GPHN: variants seen among roughly 807,000 people sequenced by gnomAD.
GPHN encodes gephyrin.
A neutral mutation model predicts 95.5 loss-of-function variants in GPHN; 17 were observed. The ratio of observed to expected loss-of-function variants is 0.18; its 90% CI spans 0.12 to 0.27. GPHN has a LOEUF of 0.27. Among genes scored for constraint, GPHN ranks in the 10% least tolerant of loss-of-function variants. The pLI is 1.00. For missense variants in GPHN, 660 were observed against 978.1 expected (o/e 0.67, Z 4.34); for synonymous variants, 320 against 322.5 (o/e 0.99, Z 0.08).
intron 10 of GPHN, among the ~76,000 whole-genome samples, chr14:67,038,674 C>T (rs954722816): frequency 1.3e-5 from 2 of 152,154 alleles, no homozygotes; most frequent in African/African-American, 2.4e-5. Flanking sequence ...CTCTTCCAAG[C>T]TCCAGATTCT....
chr14:67,692,238 T>C, the GPHN span: 1 of 582,604 alleles, frequency 1.7e-6, no homozygotes, highest in Non-Finnish European at 3.0e-6. Flanking sequence ...TATGACGTTT[T>C]GAATTCATTT....
chr14:67,436,704 C>T, the GPHN span, among the ~76,000 whole-genome samples: 1 of 152,200 alleles, frequency 6.6e-6, no homozygotes, highest in East Asian at 1.9e-4. Flanking sequence ...GGTTCCCAGA[C>T]CTCTGTGCAG....
chr14:66,620,656 A>G lies in GPHN; in HGVS notation c.65-60451A>G, dbSNP rs551883139. Among the ~76,000 whole-genome samples the G allele has an allele frequency of 1.3e-4, 20 of 152,228 alleles. No homozygotes were observed. In the East Asian group the frequency reaches 2.7e-3, roughly 21 times the overall value. On this transcript the variant is annotated intron_variant, in intron 1 of 22. Coordinates refer to ENST00000478722, the MANE Select transcript of GPHN (RefSeq NM_020806.5). ...TTGGCAGAGGGGACACAGCCAAACC[A>G]TATCAGTCTATCTCTGACCGCTCTC...
intron 8 of GPHN, among the ~76,000 whole-genome samples, chr14:66,943,927 T>C (rs2067579021): frequency 6.6e-6 from 1 of 152,218 alleles, no homozygotes; most frequent in Non-Finnish European, 1.5e-5. Flanking sequence ...CAGAGGGATC[T>C]ATCCACTTTT....
intron 3 of GPHN, among the ~76,000 whole-genome samples, chr14:66,797,263 A>G (rs1446121195): frequency 6.6e-6 from 1 of 151,566 alleles, no homozygotes; most frequent in Non-Finnish European, 1.5e-5. Flanking sequence ...GTCAGGTAAT[A>G]TGATTTCTTC....
At chr14:67,725,175 G>T in the GPHN span, 3 of 1,614,058 alleles carry the variant, frequency 1.9e-6, no homozygotes, top group South Asian at 1.1e-5. Context: ...TGGATACAAA[G>T]AACTCCCAGG....
chr14:66,776,572 G>C, intron 3 of GPHN, 51 bp downstream of exon 3: 1 of 1,036,794 alleles, frequency 9.6e-7, no homozygotes, highest in Non-Finnish European at 1.5e-6. Context: ...CTTGGTGAGG[G>C]GTGGGGAAGA....
chr14:66,988,755 C>T (rs755668613), intron 9 of GPHN, among the ~76,000 whole-genome samples: 1 of 151,952 alleles, frequency 6.6e-6, no homozygotes, highest in Non-Finnish European at 1.5e-5. Flanking sequence ...ATAGTTCAGA[C>T]TATCAAGATT....
At chr14:66,968,104 T>C (rs1944909231) in intron 9 of GPHN, among the ~76,000 whole-genome samples, 3 of 151,956 alleles carry the variant, frequency 2.0e-5, no homozygotes, top group Non-Finnish European at 4.4e-5. Flanking sequence ...AGACCATAGA[T>C]TTTAGCACCG....
rs537412422 is a variant in GPHN, at chr14:67,052,350, A to G, written c.1007-6299A>G. ...AACAGACATTAAACCAAAAAAAAAA[A>G]AAGATCAAAAAAGACAAGGGCATTA... On this transcript the variant is annotated intron_variant, in intron 10 of 22. Transcript: ENST00000478722. Among the ~76,000 whole-genome samples the G allele has an allele frequency of 5.3e-5, 8 of 151,876 alleles. No homozygotes were observed. In the East Asian group the frequency reaches 9.7e-4, roughly 18 times the overall value.
At chr14:67,196,451 A>G in the GPHN span, among the ~76,000 whole-genome samples, 1 of 152,032 alleles carries the variant, frequency 6.6e-6, no homozygotes, top group Non-Finnish European at 1.5e-5. Flanking sequence ...TGAACTCCTG[A>G]CCTAAGGTGA....
Position 67,181,611 on chromosome 14 carries a change from A to G in GPHN, c.*674A>G. 1 of 393,792 alleles carries G rather than the reference A, an allele frequency of 2.5e-6. No homozygotes were observed. Among genetic ancestry groups the G allele is most frequent in the Non-Finnish European group, 4.9e-6 (1 of 202,870 alleles). The allele number at this position is 393,792 out of a possible 1,614,324, so 24.4% of individuals were successfully genotyped here. A position where few individuals can be genotyped will look rare whatever the true frequency, so the allele number is the denominator to read the frequency against. On this transcript the variant is annotated 3_prime_UTR_variant, in exon 23 of 23. Transcript: ENST00000478722. ...TTAAGTGCTGACAGCCTTTTTAACC[A>G]ATACATTTAAAATTGTACAGAACAA...
chr14:66,990,753 T>A (rs10140569), intron 9 of GPHN, among the ~76,000 whole-genome samples: 47,581 of 151,864 alleles, frequency 0.31, 10,589 homozygotes, highest in African/African-American at 0.61. Context: ...AATAGTTAAA[T>A]TTTAAAAAAT....
intron 3 of GPHN, among the ~76,000 whole-genome samples, chr14:66,781,939 T>C (rs1437156715): frequency 6.6e-6 from 1 of 152,224 alleles, no homozygotes; most frequent in Non-Finnish European, 1.5e-5. Flanking sequence ...CTTTCCTGAC[T>C]GAAATCTCAC....
intron 3 of GPHN, among the ~76,000 whole-genome samples, chr14:66,785,638 TAAAACAAACC>T (rs2059745565): frequency 7.7e-6 from 1 of 129,746 alleles, no homozygotes; most frequent in Non-Finnish European, 1.6e-5. Context: ...TCCTGAATCA[TAAAACAAACC>T]AAAACAGTAC....
the GPHN span, among the ~76,000 whole-genome samples, chr14:67,658,320 C>T: frequency 1.3e-5 from 2 of 152,136 alleles, no homozygotes; most frequent in South Asian, 2.1e-4. Flanking sequence ...ACTCGCCAGG[C>T]GTGGTGGGTC....
chr14:66,794,582 G>T (rs2060092611), intron 3 of GPHN, among the ~76,000 whole-genome samples: 1 of 152,076 alleles, frequency 6.6e-6, no homozygotes, highest in African/African-American at 2.4e-5. Flanking sequence ...TCTATAAAAA[G>T]GTGCTTCCCT....
chr14:67,360,064 CTTTCGTCTTTG>C, the GPHN span: 3 of 430,142 alleles, frequency 7.0e-6, no homozygotes, highest in Non-Finnish European at 1.2e-5. Flanking sequence ...CTTTCTCCAC[CTTTCGTCTTTG>C]GTCACAGCGC....
chr14:66,694,148 G>A (rs961183083), intron 2 of GPHN, among the ~76,000 whole-genome samples: 1 of 152,134 alleles, frequency 6.6e-6, no homozygotes, highest in Non-Finnish European at 1.5e-5. Context: ...GCCTTTGGGA[G>A]GTGATTTAGT....
Sources: allele counts gnomAD v4.1 joint callset (sites outside exome capture counted in the v4.1 genomes callset), GRCh38; gene constraint gnomAD v4.1.1; transcripts MANE v1.5; gene names NCBI Gene and HGNC (gene_info 2026-07-23, HGNC 2026-07-21).